UGT1A10: variants seen among roughly 807,000 people sequenced by gnomAD.
The protein encoded by UGT1A10 is UDP-glucuronosyltransferase 1A10.
A neutral mutation model predicts 45.8 loss-of-function variants in UGT1A10; 49 were observed. The observed-to-expected ratio is 1.07, with a 90% CI of 0.85 to 1.36. UGT1A10 has a LOEUF of 1.36. Ranked by LOEUF, UGT1A10 falls within the 40% of genes most tolerant of loss-of-function variation. UGT1A10 has a pLI of 0.00. For synonymous variants in UGT1A10, 284 were observed against 249.7 expected (o/e 1.14, Z -1.29); for missense variants, 745 against 668.6 (o/e 1.11, Z -1.26).
intron 1 of UGT1A10, among the ~76,000 whole-genome samples, chr2:233,649,312 C>A (rs2073681815): frequency 6.6e-6 from 1 of 152,172 alleles, no homozygotes; most frequent in African/African-American, 2.4e-5. Context: ...ACTCAAACTC[C>A]TGGGCTCAAG....
At chr2:233,656,794 A>G (rs2073863228) in intron 1 of UGT1A10, among the ~76,000 whole-genome samples, 1 of 151,990 alleles carries the variant, frequency 6.6e-6, no homozygotes, top group Non-Finnish European at 1.5e-5. Flanking sequence ...GGAGGGTTCG[A>G]TTCACTTGTT....
At chr2:233,760,913 G>A (rs747662045) in intron 1 of UGT1A10, 10 of 1,614,168 alleles carry the variant, frequency 6.2e-6, no homozygotes, top group South Asian at 4.4e-5. Flanking sequence ...TTCCTGCAGC[G>A]GGTGAAGAAC....
At chr2:233,693,697 A>T (rs1427755999) in intron 1 of UGT1A10, 1 of 1,614,050 alleles carries the variant, frequency 6.2e-7, no homozygotes, top group Admixed American at 1.7e-5. Flanking sequence ...AGTATGAAGA[A>T]CTCGCATCAG....
At chr2:233,686,034 T>C (rs1448125769) in intron 1 of UGT1A10, among the ~76,000 whole-genome samples, 1 of 152,170 alleles carries the variant, frequency 6.6e-6, no homozygotes, top group Non-Finnish European at 1.5e-5. Context: ...GCCAAGAGCA[T>C]TGAAATGGCA....
intron 1 of UGT1A10, among the ~76,000 whole-genome samples, chr2:233,745,836 TTTC>T (rs746165208): frequency 1.3e-4 from 19 of 151,248 alleles, no homozygotes; most frequent in Admixed American, 7.2e-4. Flanking sequence ...GACTCTGAAT[TTTC>T]TTCTGTGCCC....
At chr2:233,688,907 G>A (rs982002895) in intron 1 of UGT1A10, among the ~76,000 whole-genome samples, 2 of 152,096 alleles carry the variant, frequency 1.3e-5, no homozygotes, top group Non-Finnish European at 2.9e-5. Context: ...TTGGGGGGAT[G>A]GTGTGCCAAG....
intron 1 of UGT1A10, among the ~76,000 whole-genome samples, chr2:233,726,709 G>T (rs2077553712): frequency 6.6e-6 from 1 of 152,172 alleles, no homozygotes; most frequent in African/African-American, 2.4e-5. Context: ...TCCCAGGTTT[G>T]AGGAAGTACA....
chr2:233,679,120 A>AAG (rs1391260273), intron 1 of UGT1A10, among the ~76,000 whole-genome samples: 2 of 152,130 alleles, frequency 1.3e-5, no homozygotes, highest in African/African-American at 2.4e-5. Flanking sequence ...AAATTTCCTT[A>AAG]AGACACCTGA....
intron 1 of UGT1A10, among the ~76,000 whole-genome samples, chr2:233,642,690 C>G (rs952855315): frequency 6.6e-6 from 1 of 152,202 alleles, no homozygotes. Context: ...TTTGAAAGGA[C>G]TTAGGTGTTG....
At chr2:233,752,907 C>T (rs1171888690) in intron 1 of UGT1A10, among the ~76,000 whole-genome samples, 1 of 152,232 alleles carries the variant, frequency 6.6e-6, no homozygotes, top group East Asian at 1.9e-4. Flanking sequence ...ACAGATCCAC[C>T]TCTGAGTGAC....
At chr2:233,690,889 G>A in intron 1 of UGT1A10, 1 of 1,060,584 alleles carries the variant, frequency 9.4e-7, no homozygotes, top group Non-Finnish European at 1.1e-6. Context: ...GAATTCAAGG[G>A]ATGGTATGCA....
chr2:233,637,169 A>C lies in UGT1A10; in HGVS notation c.647A>C (p.Asp216Ala), dbSNP rs1192242289. 1.2e-6 allele frequency: 2 copies of C among 1,613,882 alleles called. No individual in the cohort carries two copies. The highest frequency in any genetic ancestry group is 1.7e-6 in the Non-Finnish European group (2 of 1,179,844). ...RVWNHIVHLE[D>A]HLFCQYLFRN... is the part of the protein sequence containing the mutation. ...TGGAACCACATCGTGCACTTGGAGG[A>C]CCATTTATTTTGCCAGTATCTTTTT... The change falls in exon 1 of 5, where the codon GAC (aspartate) becomes GCC (alanine). Residue 216 changes from aspartate to alanine, a missense_variant. Physicochemically the swap from Asp to Ala is moderately radical, Grantham distance 126. Transcript: ENST00000344644.
chr2:233,719,460 A>G (rs1246194509), intron 1 of UGT1A10: 3 of 1,613,974 alleles, frequency 1.9e-6, no homozygotes, highest in Non-Finnish European at 2.5e-6. Context: ...GGTCAAGAAC[A>G]TGCTCTACCC....
intron 1 of UGT1A10, among the ~76,000 whole-genome samples, chr2:233,676,487 G>C (rs986266023): frequency 6.6e-6 from 1 of 152,174 alleles, no homozygotes; most frequent in African/African-American, 2.4e-5. Context: ...GACGCATAAT[G>C]ATGAGCTAAA....
intron 1 of UGT1A10, among the ~76,000 whole-genome samples, chr2:233,714,844 A>G (rs563954106): frequency 6.6e-6 from 1 of 152,320 alleles, no homozygotes; most frequent in East Asian, 1.9e-4. Flanking sequence ...ATGTTTATAA[A>G]TATTCCATGG....
At chr2:233,747,134 C>G (rs1693570015) in intron 1 of UGT1A10, 6 of 1,538,798 alleles carry the variant, frequency 3.9e-6, no homozygotes, top group Non-Finnish European at 5.3e-6. Flanking sequence ...GGCTCAGTGA[C>G]AAGGTAATTA....
chr2:233,663,213 A>G (rs1299095662), intron 1 of UGT1A10, among the ~76,000 whole-genome samples: 1 of 152,164 alleles, frequency 6.6e-6, no homozygotes, highest in Non-Finnish European at 1.5e-5. Context: ...AGTCAATATA[A>G]CAAGACAGGG....
At chr2:233,681,274 C>A (rs2074517091) in intron 1 of UGT1A10, among the ~76,000 whole-genome samples, 1 of 151,956 alleles carries the variant, frequency 6.6e-6, no homozygotes, top group African/African-American at 2.4e-5. Context: ...TGGCTCACGC[C>A]TGTAATCCCA....
chr2:233,663,085 T>C (rs1304401778), intron 1 of UGT1A10, among the ~76,000 whole-genome samples: 1 of 152,152 alleles, frequency 6.6e-6, no homozygotes, highest in Non-Finnish European at 1.5e-5. Context: ...TCTGCAGAAC[T>C]CTCTTCATCT....
Sources: allele counts gnomAD v4.1 joint callset (sites outside exome capture counted in the v4.1 genomes callset), GRCh38; gene constraint gnomAD v4.1.1; transcripts MANE v1.5; gene names NCBI Gene and HGNC (gene_info 2026-07-23, HGNC 2026-07-21).